Variants in COPB1 observed in about 807,000 individuals in gnomAD.
COPB1 encodes coat protein complex I subunit beta 1.
COPB1 carries 21 observed loss-of-function variants against 108.7 expected under a neutral mutation model. The observed-to-expected ratio is 0.19, with a 90% CI of 0.14 to 0.28. COPB1 has a LOEUF of 0.28. COPB1 is among the 10% of genes least tolerant of loss of function. The pLI is 1.00. For synonymous variants in COPB1, 378 were observed against 386.8 expected (o/e 0.98, Z 0.27); for missense variants, 919 against 1,141.3 (o/e 0.81, Z 2.81).
At chr11:14,472,489 T>C (rs1850430663) in intron 14 of COPB1, among the ~76,000 whole-genome samples, 1 of 152,216 alleles carries the variant, frequency 6.6e-6, no homozygotes, top group African/African-American at 2.4e-5. Context: ...AAATGAGCAA[T>C]GGCTTCAACT....
intron 1 of COPB1, among the ~76,000 whole-genome samples, chr11:14,499,271 G>A (rs1318261967): frequency 6.6e-6 from 1 of 152,100 alleles, no homozygotes; most frequent in Non-Finnish European, 1.5e-5. Context: ...GTTATGGACC[G>A]TATGGTTTTT....
At chr11:14,478,797 C>G (rs1036877082) in intron 11 of COPB1, 1 of 151,876 alleles carries the variant, frequency 6.6e-6, no homozygotes, top group South Asian at 2.1e-4. Context: ...AGTCCTTAGT[C>G]ATCTTTCCCC....
intron 4 of COPB1, among the ~76,000 whole-genome samples, chr11:14,493,336 G>T (rs1330910699): frequency 6.6e-6 from 1 of 152,122 alleles, no homozygotes; most frequent in Admixed American, 6.5e-5. Context: ...CTAAGCAAGT[G>T]AACATATAAA....
chr11:14,467,002 A>C (rs1159413379), intron 16 of COPB1, among the ~76,000 whole-genome samples: 3 of 152,194 alleles, frequency 2.0e-5, no homozygotes, highest in Non-Finnish European at 4.4e-5. Flanking sequence ...TTAAAAAGCT[A>C]ATATTGTCAC....
In COPB1 at chr11:14,458,600, C is replaced by T; in HGVS notation, c.2734G>A (p.Glu912Lys). 1.2e-6 allele frequency: 2 copies of T among 1,613,808 alleles called. No individual in the cohort carries two copies. Among genetic ancestry groups the T allele is most frequent in the Non-Finnish European group, 8.5e-7 (1 of 1,179,892 alleles). ...TCTGGTCCCTGGTGAATTGGCTTCT[C>T]AATGCTGACATTTGCAAGTGCATCT... ...GEDALANVSI[E>K]KPIHQGPDAA... Residue 912 changes from glutamate to lysine, a missense_variant, in exon 21 of 22, where the codon GAG becomes AAG. Physicochemically the swap from Glu to Lys is moderately conservative, Grantham distance 56. Around this residue, in one of 5 missense-constraint regions of COPB1, gnomAD observed 705 missense variants for 817.8 expected, o/e 0.86. Coordinates refer to ENST00000439561, the MANE Select transcript of COPB1 (RefSeq NM_001144061.2).
chr11:14,469,484 G>C lies in COPB1; in HGVS notation c.1817C>G (p.Thr606Ser). ...GGAAATTCGATCCACATCATCATCA[G>C]TAATTGGCTTCTTAGGAAGAGAGGA... ...GKSSLPKKPITDDDVDRISLC... is the reference protein window; with the variant it reads ...GKSSLPKKPISDDDVDRISLC... Residue 606 changes from threonine to serine, a missense_variant, in exon 15 of 22, where the codon ACT becomes AGT. Physicochemically the swap from Thr to Ser is moderately conservative, Grantham distance 58. This residue lies in a region of COPB1 where 705 missense variants were observed against 817.8 expected (regional missense o/e 0.86). Coordinates refer to ENST00000439561, the MANE Select transcript of COPB1 (RefSeq NM_001144061.2). 6.2e-7 allele frequency: 1 copy of C among 1,614,182 alleles called. No individual in the cohort carries two copies. The highest frequency in any genetic ancestry group is 8.5e-7 in the Non-Finnish European group (1 of 1,180,026).
chr11:14,458,674 T>C lies in COPB1; in HGVS notation c.2660A>G (p.Tyr887Cys), dbSNP rs1460457687. ...CLTPEKALSG[Y>C]CGFMAANLYA... ...AAGGTTGGCTGCCATAAAGCCACAG[T>C]AACCAGAAAGGGCCTGGAAAAAATT... The change falls in exon 21 of 22, where the codon TAC becomes TGC. Residue 887 changes from tyrosine (Y) to cysteine (C), a missense_variant. Tyr to Cys is a radical substitution (Grantham distance 194). This residue lies in a region of COPB1 where 705 missense variants were observed against 817.8 expected (regional missense o/e 0.86). Transcript: ENST00000439561. 1 of 1,610,896 alleles carries C rather than the reference T, an allele frequency of 6.2e-7. No individual in the cohort carries two copies. The highest frequency in any genetic ancestry group is 1.7e-5 in the Admixed American group (1 of 59,280).
In COPB1 at chr11:14,492,059, G is replaced by C. The variant is rs898949665; in HGVS notation, c.492-1380C>G. Among the ~76,000 whole-genome samples, 8 of 152,086 alleles carry C rather than the reference G, an allele frequency of 5.3e-5. 1 individual carries two copies. The highest frequency in any genetic ancestry group is 1.2e-4 in the Non-Finnish European group (8 of 68,006). On this transcript the variant is annotated intron_variant, in intron 4 of 21. Coordinates refer to ENST00000439561, the MANE Select transcript of COPB1 (RefSeq NM_001144061.2). The stretch of plus-strand genomic sequence containing the variant: ...TATATCCTTGCCAAATTTACCTCTT[G>C]CCATATTATTTTGAAGCAAATCACA...
intron 20 of COPB1, among the ~76,000 whole-genome samples, chr11:14,459,097 C>G (rs973994186): frequency 6.6e-6 from 1 of 152,124 alleles, no homozygotes; most frequent in African/African-American, 2.4e-5. Flanking sequence ...TAAAACAGTA[C>G]TTACATACAG....
intron 2 of COPB1, among the ~76,000 whole-genome samples, chr11:14,498,498 C>G (rs918097511): frequency 1.3e-5 from 2 of 152,094 alleles, no homozygotes; most frequent in African/African-American, 4.8e-5. Context: ...GTTAAGTGCA[C>G]GATGGAATTA....
At chr11:14,481,392 C>T (rs1850655845) in intron 8 of COPB1, among the ~76,000 whole-genome samples, 2 of 152,108 alleles carry the variant, frequency 1.3e-5, no homozygotes, top group African/African-American at 2.4e-5. Flanking sequence ...AGCTAAACAA[C>T]GTAAGAAAGT....
At position 14,488,490 on chromosome 11, in the gene COPB1, A is replaced by C; in HGVS notation, c.699+2T>G. 6.3e-7 allele frequency: 1 copy of C among 1,590,186 alleles called. No homozygotes were observed. The highest frequency in any genetic ancestry group is 2.2e-5 in the East Asian group (1 of 44,562). On this transcript the variant is annotated splice_donor_variant, in intron 6 of 21. Transcript: ENST00000439561. LOFTEE classifies it high-confidence loss of function. ...TTACTCATCATAGATTATCATTCTTACCTTATAAATCAGTTCAACAATAAC... is the reference window on the plus strand; with the variant it reads ...TTACTCATCATAGATTATCATTCTTCCCTTATAAATCAGTTCAACAATAAC...
chr11:14,484,472 C>A (rs1850727288), intron 7 of COPB1, among the ~76,000 whole-genome samples: 1 of 152,194 alleles, frequency 6.6e-6, no homozygotes, highest in Admixed American at 6.5e-5. Context: ...ATAATCCCAG[C>A]ACTTTGGGAG....
intron 18 of COPB1, among the ~76,000 whole-genome samples, chr11:14,462,426 G>T (rs1850177314): frequency 6.6e-6 from 1 of 151,948 alleles, no homozygotes; most frequent in African/African-American, 2.4e-5. Flanking sequence ...TAGAGATGTG[G>T]TTTCACCATC....
Position 14,480,852 on chromosome 11 carries a change from A to G in COPB1, c.1119T>C (p.His373=). 6.2e-7 allele frequency: 1 copy of G among 1,613,988 alleles called. No homozygotes were observed. The highest frequency in any genetic ancestry group is 8.5e-7 in the Non-Finnish European group (1 of 1,179,860). The change falls in exon 10 of 22, where the codon CAT becomes CAC. Residue 373 remains histidine, a synonymous_variant. Transcript: ENST00000439561. ...EVIKTNNVSE[H]EDTDKYRQLL... ...GTTGTCTGTATTTGTCAGTATCTTCATGCTCAGACACATTATTTGTTTTTA... is the reference window on the plus strand; with the variant it reads ...GTTGTCTGTATTTGTCAGTATCTTCGTGCTCAGACACATTATTTGTTTTTA...
intron 15 of COPB1, among the ~76,000 whole-genome samples, chr11:14,469,109 C>A (rs1452443771): frequency 1.3e-5 from 2 of 152,134 alleles, no homozygotes; most frequent in African/African-American, 4.8e-5. Context: ...ATCCTTCATC[C>A]TCAGCCTTCC....
chr11:14,460,369 CA>C (rs1290760900), intron 19 of COPB1, 72 bp from the exon 20 acceptor site: 2 of 941,506 alleles, frequency 2.1e-6, no homozygotes, highest in East Asian at 2.5e-5. Context: ...ACCAGTATGT[CA>C]TATTAAAAAC....
intron 6 of COPB1, among the ~76,000 whole-genome samples, chr11:14,487,330 G>C (rs374656218): frequency 6.6e-6 from 1 of 151,992 alleles, no homozygotes; most frequent in Non-Finnish European, 1.5e-5. Context: ...AGATAGCAGG[G>C]AACCGCTAAT....
intron 20 of COPB1, 167 bp downstream of exon 20, chr11:14,460,041 A>G (rs1589950146): frequency 1.8e-6 from 1 of 547,102 alleles, no homozygotes; most frequent in South Asian, 2.6e-5. Flanking sequence ...GTATAGTCCA[A>G]TAGAAAGAGG....
Sources: allele counts gnomAD v4.1 joint callset (sites outside exome capture counted in the v4.1 genomes callset), GRCh38; gene constraint gnomAD v4.1.1; regional missense constraint gnomAD v4.1.1; transcripts MANE v1.5; gene names NCBI Gene and HGNC (gene_info 2026-07-23, HGNC 2026-07-21).